The following SUGCT variants were observed in gnomAD, a reference collection of about 807,000 sequenced individuals.
The protein encoded by SUGCT is succinyl-CoA:glutarate-CoA transferase.
A neutral mutation model predicts 55.0 loss-of-function variants in SUGCT; 41 were observed. The ratio of observed to expected loss-of-function variants is 0.74; its 90% CI spans 0.58 to 0.97. SUGCT has a LOEUF of 0.97. SUGCT is among the 50% of genes least tolerant of loss of function. The pLI, the probability that SUGCT is intolerant of heterozygous loss-of-function variation, is 0.00. For missense variants in SUGCT, 568 were observed against 547.8 expected, an observed-to-expected ratio of 1.04 and a Z score of -0.37; for synonymous variants, 187 against 200.4, an observed-to-expected ratio of 0.93 and a Z score of 0.56.
chr7:40,780,335 C>G (rs1789670206), intron 13 of SUGCT, among the ~76,000 whole-genome samples: 1 of 152,112 alleles, frequency 6.6e-6, no homozygotes, highest in Non-Finnish European at 1.5e-5. Context: ...ATATTTTCCT[C>G]TGGGGCAAAG....
chr7:40,632,273 G>A (rs1244615504), intron 12 of SUGCT, among the ~76,000 whole-genome samples: 1 of 151,972 alleles, frequency 6.6e-6, no homozygotes, highest in African/African-American at 2.4e-5. Flanking sequence ...TTGAAAAGCT[G>A]CTGGCCTTTT....
intron 12 of SUGCT, among the ~76,000 whole-genome samples, chr7:40,745,090 A>G (rs1013463041): frequency 2.0e-5 from 3 of 152,212 alleles, no homozygotes; most frequent in African/African-American, 4.8e-5. Context: ...TGCCTAGCAT[A>G]TAAGTGCTAT....
chr7:40,415,169 C>G (rs534204310), intron 9 of SUGCT, among the ~76,000 whole-genome samples: 1 of 149,180 alleles, frequency 6.7e-6, no homozygotes, highest in Non-Finnish European at 1.5e-5. Flanking sequence ...TACTCAGAGG[C>G]TGAGGCAGGA....
At chr7:40,706,731 C>G (rs1006260481) in intron 12 of SUGCT, among the ~76,000 whole-genome samples, 3 of 152,202 alleles carry the variant, frequency 2.0e-5, no homozygotes, top group Admixed American at 6.5e-5. Flanking sequence ...AGCACCACTT[C>G]CAGCGAGCAG....
intron 13 of SUGCT, among the ~76,000 whole-genome samples, chr7:40,805,199 AT>A (rs1276527177): frequency 6.6e-6 from 1 of 152,128 alleles, no homozygotes; most frequent in Admixed American, 6.5e-5. Flanking sequence ...GAGAAAAGGC[AT>A]TGTCTCTAAA....
chr7:40,743,696 T>A (rs1584372536), intron 12 of SUGCT, among the ~76,000 whole-genome samples: 1 of 152,266 alleles, frequency 6.6e-6, no homozygotes, highest in East Asian at 1.9e-4. Context: ...ATGTGTTCAA[T>A]GAATGTACCC....
At chr7:40,483,676 C>A (rs1791179651) in intron 11 of SUGCT, among the ~76,000 whole-genome samples, 1 of 147,678 alleles carries the variant, frequency 6.8e-6, no homozygotes, top group Non-Finnish European at 1.5e-5. Flanking sequence ...TCCTGTAAGT[C>A]CATAAGAAGA....
intron 12 of SUGCT, among the ~76,000 whole-genome samples, chr7:40,670,815 T>A (rs888812786): frequency 6.6e-6 from 1 of 151,956 alleles, no homozygotes; most frequent in Non-Finnish European, 1.5e-5. Context: ...CAAGCCCAGA[T>A]GATTGCAAGG....
At chr7:40,506,859 A>C (rs1792632684) in intron 12 of SUGCT, among the ~76,000 whole-genome samples, 1 of 151,970 alleles carries the variant, frequency 6.6e-6, no homozygotes, top group Admixed American at 6.6e-5. Context: ...GTACTTTTGG[A>C]CTCCAGAACT....
At chr7:40,827,579 G>A (rs1246524842) in intron 13 of SUGCT, among the ~76,000 whole-genome samples, 1 of 152,132 alleles carries the variant, frequency 6.6e-6, no homozygotes, top group East Asian at 1.9e-4. Context: ...CCAGCGAAAG[G>A]TTAGACAAAG....
the SUGCT span, among the ~76,000 whole-genome samples, chr7:40,911,469 G>A: frequency 3.3e-5 from 5 of 151,672 alleles, no homozygotes; most frequent in Non-Finnish European, 5.9e-5. Flanking sequence ...TGGGGAGGCT[G>A]AAGTAGGAGG....
intron 6 of SUGCT, among the ~76,000 whole-genome samples, chr7:40,225,509 T>C (rs574401085): frequency 9.9e-5 from 15 of 151,700 alleles, no homozygotes; most frequent in African/African-American, 3.6e-4. Flanking sequence ...TGATCTTGGC[T>C]CACTGCAACC....
chr7:40,960,858 C>T, the SUGCT span, among the ~76,000 whole-genome samples: 1 of 152,226 alleles, frequency 6.6e-6, no homozygotes, highest in Non-Finnish European at 1.5e-5. Context: ...CATTAGTCCA[C>T]AAACATGTAT....
rs1206929920 is a variant in SUGCT, at chr7:40,363,618, C to T, written c.816+46763C>T. On this transcript the variant is annotated intron_variant, in intron 9 of 13. Transcript: ENST00000335693. ...GTTGTTCAGTTTCCATGTAGTTGAG[C>T]GATTTTGAGTGAGTTTCTTAATCCT... Among the ~76,000 whole-genome samples, 6 of 152,200 alleles carry T rather than the reference C, an allele frequency of 3.9e-5. No individual in the cohort carries two copies. In the East Asian group the frequency reaches 9.7e-4, roughly 24 times the overall value.
At chr7:40,770,959 A>G (rs928394948) in intron 13 of SUGCT, among the ~76,000 whole-genome samples, 2 of 152,218 alleles carry the variant, frequency 1.3e-5, no homozygotes, top group African/African-American at 4.8e-5. Context: ...CACAGTAGCT[A>G]TTAAAATGTA....
At chr7:40,278,639 TC>T (rs1273419494) in intron 8 of SUGCT, among the ~76,000 whole-genome samples, 1 of 152,160 alleles carries the variant, frequency 6.6e-6, no homozygotes, top group Non-Finnish European at 1.5e-5. Context: ...GTCTCTGTCC[TC>T]CCTTTCTTCT....
At chr7:40,818,543 A>C (rs948606084) in intron 13 of SUGCT, among the ~76,000 whole-genome samples, 1 of 152,198 alleles carries the variant, frequency 6.6e-6, no homozygotes, top group African/African-American at 2.4e-5. Context: ...TCATGTTTTA[A>C]AGCCTGTATC....
chr7:40,353,140 T>G (rs1332236677), intron 9 of SUGCT, among the ~76,000 whole-genome samples: 1 of 152,190 alleles, frequency 6.6e-6, no homozygotes, highest in Non-Finnish European at 1.5e-5. Context: ...CTACTATCAC[T>G]AAAGTCAAGA....
the SUGCT span, among the ~76,000 whole-genome samples, chr7:40,932,963 G>T: frequency 3.2e-4 from 49 of 152,234 alleles, no homozygotes; most frequent in Middle Eastern, 3.4e-3. Context: ...GTGTGAATTT[G>T]ATCCTGTCAT....
Sources: gnomAD v4.1 joint callset for allele counts (sites outside exome capture counted in the v4.1 genomes callset) on GRCh38, gnomAD v4.1.1 for gene constraint, MANE v1.5 for transcripts, NCBI Gene and HGNC (gene_info 2026-07-23, HGNC 2026-07-21) for gene names.